SNX14: variants seen among roughly 807,000 people sequenced by gnomAD.
SNX14 encodes sorting nexin 14.
A neutral mutation model predicts 133.8 loss-of-function variants in SNX14; 93 were observed. That is an observed-to-expected ratio of 0.70 (90% CI 0.59 to 0.83). The LOEUF is 0.83. SNX14 is among the 40% of genes least tolerant of loss of function. The probability of loss-of-function intolerance (pLI) is 0.00; values close to 1 mark genes in which losing one functional copy is unlikely to be tolerated. For synonymous variants in SNX14, 368 were observed against 365.6 expected, an observed-to-expected ratio of 1.01 and a Z score of -0.07; for missense variants, 945 against 1,094.9, an observed-to-expected ratio of 0.86 and a Z score of 1.93.
intron 23 of SNX14, among the ~76,000 whole-genome samples, chr6:85,515,612 C>T (rs541363169): frequency 1.4e-4 from 22 of 152,198 alleles, no homozygotes; most frequent in African/African-American, 4.6e-4. Context: ...AGAAAAGTAT[C>T]CTGAGAACAA....
intron 17 of SNX14, among the ~76,000 whole-genome samples, chr6:85,534,821 AAAAGGG>A (rs1455949936): frequency 5.8e-4 from 73 of 126,740 alleles, no homozygotes; most frequent in African/African-American, 2.2e-3. Flanking sequence ...TACAGGGGTG[AAAAGGG>A]AAAGTTTTTT....
chr6:85,506,971 C>G (rs1195389117), intron 28 of SNX14, among the ~76,000 whole-genome samples: 2 of 152,058 alleles, frequency 1.3e-5, no homozygotes, highest in African/African-American at 4.8e-5. Flanking sequence ...TCACTTCTTC[C>G]CCTGGAAAGA....
intron 26 of SNX14, among the ~76,000 whole-genome samples, chr6:85,508,902 G>C (rs1047970220): frequency 7.2e-5 from 11 of 152,068 alleles, no homozygotes; most frequent in South Asian, 2.1e-4. Context: ...TAAACTCCTA[G>C]TGTTGGTCAT....
At chr6:85,557,917 G>A (rs370663813) in intron 7 of SNX14, 59 bp downstream of exon 7, 191 of 865,008 alleles carry the variant, frequency 2.2e-4, no homozygotes, top group Non-Finnish European at 3.2e-4. Flanking sequence ...TAGATATTTC[G>A]GGTGAAAATT....
intron 16 of SNX14, among the ~76,000 whole-genome samples, chr6:85,537,499 A>G (rs931758487): frequency 1.1e-4 from 17 of 152,252 alleles, no homozygotes; most frequent in African/African-American, 3.9e-4. Flanking sequence ...TGCCATAAAT[A>G]TTAAATGTTG....
chr6:85,540,016 C>A (rs570005453), intron 15 of SNX14, among the ~76,000 whole-genome samples: 1 of 135,104 alleles, frequency 7.4e-6, no homozygotes, highest in East Asian at 2.1e-4. Context: ...GGCTGGAGTG[C>A]AGTGGTGCAG....
rs1250096245 is a variant in SNX14, at chr6:85,547,243, G to T, written c.994-17C>A. On this transcript the variant is annotated splice_polypyrimidine_tract_variant and intron_variant, in intron 11 of 28. Transcript: ENST00000314673. Reference sequence around the variant, plus strand: ...CTTCAGCACCTTGATATAAGAGAAAGATTAAGTTTAAGCTATATAAATGAG... The same window carrying T: ...CTTCAGCACCTTGATATAAGAGAAATATTAAGTTTAAGCTATATAAATGAG... 3 of 1,612,350 alleles carry T rather than the reference G, an allele frequency of 1.9e-6. No homozygotes were observed. The highest frequency in any genetic ancestry group is 2.5e-6 in the Non-Finnish European group (3 of 1,178,922).
chr6:85,534,970 G>C (rs1187988813), intron 17 of SNX14, among the ~76,000 whole-genome samples: 1 of 145,358 alleles, frequency 6.9e-6, no homozygotes, highest in East Asian at 2.0e-4. Flanking sequence ...CTTAAAATTA[G>C]AAAACATAAA....
chr6:85,552,596 T>C (rs1002375366), intron 7 of SNX14, among the ~76,000 whole-genome samples: 1 of 152,142 alleles, frequency 6.6e-6, no homozygotes, highest in Non-Finnish European at 1.5e-5. Flanking sequence ...AATAATAACA[T>C]AAACAATTGC....
chr6:85,593,823 C>CA lies in SNX14; in HGVS notation c.-106dup, dbSNP rs1803830278. 3 of 1,560,048 alleles carry CA rather than the reference C, an allele frequency of 1.9e-6. No homozygotes were observed. The African/African-American group carries it at 4.1e-5, about 22-fold the overall frequency. On this transcript the variant is annotated 5_prime_UTR_variant, in exon 1 of 29. Transcript: ENST00000314673. ...CGCCCCACCGACTTGGCGGCGCACACAGACGCCTACCGGCAGTTAGCCGCC... is the reference window on the plus strand; with the variant it reads ...CGCCCCACCGACTTGGCGGCGCACACAAGACGCCTACCGGCAGTTAGCCGCC...
chr6:85,551,455 T>G (rs765716156), intron 7 of SNX14, among the ~76,000 whole-genome samples: 4 of 152,154 alleles, frequency 2.6e-5, no homozygotes, highest in Admixed American at 6.5e-5. Context: ...CCAACCAATA[T>G]AAGCTCACCT....
intron 19 of SNX14, among the ~76,000 whole-genome samples, chr6:85,528,842 A>C (rs940793811): frequency 4.6e-5 from 7 of 152,150 alleles, no homozygotes; most frequent in African/African-American, 1.7e-4. Context: ...AGATCACTTG[A>C]GGTCAGAAGT....
At position 85,508,045 on chromosome 6, in the gene SNX14, A is replaced by C. The variant is rs1582427096; in HGVS notation, c.2668T>G (p.Cys890Gly). The C allele has an allele frequency of 1.2e-6, 2 of 1,612,778 alleles. No individual in the cohort carries two copies. The highest frequency in any genetic ancestry group is 4.5e-5 in the East Asian group (2 of 44,788). ...TCATACTTGGTTTCTTCACCAATAC[A>C]CTTGACTAACAGATCTAAACAAAAA... is the stretch of plus-strand genomic sequence containing the variant. ...MNYIPDLLVK[C>G]IGEETKYESI... is the part of the protein sequence containing the mutation. Residue 890 changes from cysteine to glycine, a missense_variant, in exon 27 of 29, where the codon TGT becomes GGT. Cys to Gly is a radical substitution (Grantham distance 159). Around this residue, in one of 3 missense-constraint regions of SNX14, gnomAD observed 412 missense variants for 516.6 expected, o/e 0.80. Coordinates refer to ENST00000314673, the MANE Select transcript of SNX14 (RefSeq NM_153816.6).
chr6:85,513,747 C>A (rs549591674), intron 26 of SNX14, 53 bp downstream of exon 26: 40 of 1,327,850 alleles, frequency 3.0e-5, no homozygotes, highest in Non-Finnish European at 4.3e-5. Context: ...TACATTGTGA[C>A]CTCAACGGAC....
intron 4 of SNX14, among the ~76,000 whole-genome samples, 167 bp downstream of exon 4, chr6:85,571,970 A>G (rs1020844991): frequency 6.6e-6 from 1 of 152,226 alleles, no homozygotes; most frequent in East Asian, 1.9e-4. Context: ...AAACATTTCT[A>G]GCTTACTACT....
chr6:85,536,677 G>C (rs1782047907), intron 17 of SNX14, 115 bp downstream of exon 17: 1 of 939,446 alleles, frequency 1.1e-6, no homozygotes, highest in South Asian at 2.0e-5. Flanking sequence ...TAAAGGTAAA[G>C]TATTAAACAG....
intron 6 of SNX14, among the ~76,000 whole-genome samples, chr6:85,559,725 T>C (rs1429044085): frequency 6.6e-6 from 1 of 152,074 alleles, no homozygotes; most frequent in Admixed American, 6.6e-5. Context: ...ATTCAGAAAA[T>C]TGAAGAAAAT....
chr6:85,543,086 A>G, intron 14 of SNX14, 96 bp downstream of exon 14: 2 of 1,194,674 alleles, frequency 1.7e-6, no homozygotes, highest in Middle Eastern at 2.5e-4. Context: ...TTATTTTTCT[A>G]TTTATTTTGT....
chr6:85,526,043 T>C, intron 21 of SNX14, 83 bp downstream of exon 21: 2 of 856,134 alleles, frequency 2.3e-6, no homozygotes, highest in Non-Finnish European at 1.8e-6. Context: ...CCATAGGCTA[T>C]ACTATATATT....
Sources: allele counts gnomAD v4.1 joint callset (sites outside exome capture counted in the v4.1 genomes callset), GRCh38; gene constraint gnomAD v4.1.1; regional missense constraint gnomAD v4.1.1; transcripts MANE v1.5; gene names NCBI Gene and HGNC (gene_info 2026-07-23, HGNC 2026-07-21).